Variants in NRXN3 observed in about 807,000 individuals in gnomAD.
The protein encoded by NRXN3 is neurexin 3, also known as neurexin III.
Under a neutral mutation model 137.6 loss-of-function variants are expected in NRXN3, and 32 were observed. The ratio of observed to expected loss-of-function variants is 0.23; its 90% CI spans 0.18 to 0.31. The LOEUF (loss-of-function observed/expected upper bound fraction) is 0.31, where lower values mean the gene tolerates loss of function less well. NRXN3 is among the 10% of genes least tolerant of loss of function. The pLI is 1.00. For synonymous variants in NRXN3, 798 were observed against 784.5 expected (o/e 1.02, Z -0.29); for missense variants, 1,574 against 2,062.5 (o/e 0.76, Z 4.59).
At chr14:79,092,542 C>T (rs2049409941) in intron 15 of NRXN3, among the ~76,000 whole-genome samples, 1 of 152,148 alleles carries the variant, frequency 6.6e-6, no homozygotes, top group Non-Finnish European at 1.5e-5. Flanking sequence ...ATGGTGTATA[C>T]AGTCAACATA....
intron 15 of NRXN3, among the ~76,000 whole-genome samples, chr14:79,169,920 C>T (rs1214295830): frequency 2.0e-5 from 3 of 151,974 alleles, no homozygotes; most frequent in Non-Finnish European, 2.9e-5. Flanking sequence ...ATTGAGACTA[C>T]AGAATACATT....
At chr14:78,894,947 A>C in intron 10 of NRXN3, among the ~76,000 whole-genome samples, 1 of 151,642 alleles carries the variant, frequency 6.6e-6, no homozygotes, top group Non-Finnish European at 1.5e-5. Flanking sequence ...TAAAGTATTC[A>C]GTAAACCATT....
At chr14:78,788,439 T>C (rs2098795705) in intron 8 of NRXN3, among the ~76,000 whole-genome samples, 1 of 152,202 alleles carries the variant, frequency 6.6e-6, no homozygotes, top group South Asian at 2.1e-4. Context: ...TGGATTGCCC[T>C]GACAGCTCCC....
In NRXN3 at chr14:79,160,942, G is replaced by T. The variant is rs1045687647; in HGVS notation, c.3262+172801G>T. ...AACTAGCCTGTTTATACAAATAGCT[G>T]GTGTGCTCAGTACAACATAGCAGTG... On this transcript the variant is annotated intron_variant, in intron 15 of 20. Transcript: ENST00000335750. Among the ~76,000 whole-genome samples the T allele has an allele frequency of 2.0e-5, 3 of 151,858 alleles. No homozygotes were observed. In the East Asian group the frequency reaches 5.8e-4, roughly 30 times the overall value.
intron 16 of NRXN3, among the ~76,000 whole-genome samples, chr14:79,576,204 C>G (rs759068089): frequency 3.3e-5 from 5 of 152,146 alleles, no homozygotes; most frequent in Non-Finnish European, 7.3e-5. Context: ...ATGTTATTCA[C>G]ACATTCTCCC....
chr14:78,994,123 G>A (rs1446272551), intron 15 of NRXN3, among the ~76,000 whole-genome samples: 1 of 151,990 alleles, frequency 6.6e-6, no homozygotes, highest in Non-Finnish European at 1.5e-5. Flanking sequence ...CAAAGTGCTG[G>A]GATTACAGGT....
At chr14:78,461,034 G>A (rs1217800656) in intron 4 of NRXN3, among the ~76,000 whole-genome samples, 4 of 152,154 alleles carry the variant, frequency 2.6e-5, no homozygotes, top group South Asian at 2.1e-4. Context: ...TCAAAGAAAC[G>A]TTTTTATATG....
At chr14:78,953,423 C>G (rs1409950301) in intron 10 of NRXN3, among the ~76,000 whole-genome samples, 3 of 152,182 alleles carry the variant, frequency 2.0e-5, no homozygotes, top group Non-Finnish European at 4.4e-5. Flanking sequence ...TCCGTATTCC[C>G]CATTCAACAG....
chr14:79,070,892 G>T (rs1266582595), intron 15 of NRXN3, among the ~76,000 whole-genome samples: 2 of 152,164 alleles, frequency 1.3e-5, no homozygotes, highest in Non-Finnish European at 2.9e-5. Flanking sequence ...AGACATGTTG[G>T]GGGTGATTCT....
At position 79,314,900 on chromosome 14, in the gene NRXN3, T is replaced by C. The variant is rs547845881; in HGVS notation, c.3263-152321T>C. On this transcript the variant is annotated intron_variant, in intron 15 of 20. Transcript: ENST00000335750. ...TAACAACCAGAAAGGACATCTACAC[T>C]GAAAACCCATCTGTACATCACCATC... Among the ~76,000 whole-genome samples the C allele has an allele frequency of 5.3e-4, 80 of 151,818 alleles. No individual in the cohort carries two copies. The South Asian group carries it at 7.8e-3, about 15-fold the overall frequency.
chr14:79,126,946 T>C (rs2056610928), intron 15 of NRXN3, among the ~76,000 whole-genome samples: 1 of 152,240 alleles, frequency 6.6e-6, no homozygotes. Flanking sequence ...CATTTTTTCA[T>C]GTGTTTTTTG....
At chr14:78,212,569 C>T (rs532859851) in intron 1 of NRXN3, among the ~76,000 whole-genome samples, 4 of 152,234 alleles carry the variant, frequency 2.6e-5, no homozygotes, top group African/African-American at 9.6e-5. Flanking sequence ...GCCAGGCTGT[C>T]AAAATAAAGA....
intron 19 of NRXN3, among the ~76,000 whole-genome samples, chr14:79,768,100 C>G (rs777886281): frequency 2.0e-5 from 3 of 152,218 alleles, no homozygotes; most frequent in Non-Finnish European, 4.4e-5. Context: ...GATTATATCC[C>G]TCACCTGGCT....
At chr14:78,201,935 A>C (rs2061719899) in intron 1 of NRXN3, among the ~76,000 whole-genome samples, 1 of 152,248 alleles carries the variant, frequency 6.6e-6, no homozygotes, top group Non-Finnish European at 1.5e-5. Context: ...CTCTCTGAGC[A>C]AGGTCGCCAG....
intron 19 of NRXN3, among the ~76,000 whole-genome samples, chr14:79,768,075 A>T (rs550701642): frequency 9.3e-4 from 141 of 152,348 alleles, no homozygotes; most frequent in African/African-American, 3.0e-3. Context: ...GGGCTTAAAA[A>T]ATGGCGCACC....
chr14:78,816,562 C>T (rs939487300), intron 10 of NRXN3, among the ~76,000 whole-genome samples: 5 of 151,748 alleles, frequency 3.3e-5, no homozygotes, highest in East Asian at 1.9e-4. Flanking sequence ...AAATCAGCAC[C>T]GTACATTTAA....
chr14:78,950,972 A>G (rs2099386025), intron 10 of NRXN3, among the ~76,000 whole-genome samples: 1 of 152,112 alleles, frequency 6.6e-6, no homozygotes, highest in Admixed American at 6.5e-5. Flanking sequence ...CCAGTTTGTC[A>G]GAGCAAACCC....
intron 14 of NRXN3, among the ~76,000 whole-genome samples, chr14:78,973,358 G>T (rs1204983343): frequency 6.6e-6 from 1 of 152,158 alleles, no homozygotes; most frequent in Non-Finnish European, 1.5e-5. Context: ...GATCAGGGAG[G>T]TCATTTCCTG....
At chr14:79,412,681 G>T (rs578180756) in intron 15 of NRXN3, among the ~76,000 whole-genome samples, 2 of 147,950 alleles carry the variant, frequency 1.4e-5, no homozygotes, top group Admixed American at 7.0e-5. Context: ...TACTAGGGAG[G>T]CTAAGGCAAT....
Sources: gnomAD v4.1 joint callset for allele counts (sites outside exome capture counted in the v4.1 genomes callset) on GRCh38, gnomAD v4.1.1 for gene constraint, MANE v1.5 for transcripts, NCBI Gene and HGNC (gene_info 2026-07-23, HGNC 2026-07-21) for gene names.